TYW1: variants seen among roughly 807,000 people sequenced by gnomAD.
TYW1 encodes tRNA-yW synthesizing protein 1 homolog.
Under a neutral mutation model 96.2 loss-of-function variants are expected in TYW1, and 46 were observed. The observed-to-expected ratio is 0.48, with a 90% CI of 0.38 to 0.61. TYW1 has a LOEUF of 0.61. TYW1 is among the 20% of genes least tolerant of loss of function. TYW1 has a pLI of 0.00. For missense variants in TYW1, 684 were observed against 909.6 expected, an observed-to-expected ratio of 0.75 and a Z score of 3.19; for synonymous variants, 274 against 323.0, an observed-to-expected ratio of 0.85 and a Z score of 1.63.
At chr7:67,077,564 C>T (rs546689419) in intron 10 of TYW1, among the ~76,000 whole-genome samples, 128 of 152,214 alleles carry the variant, frequency 8.4e-4, no homozygotes, top group African/African-American at 2.8e-3. Context: ...TTACATCATT[C>T]GACCTTTTAA....
intron 13 of TYW1, among the ~76,000 whole-genome samples, chr7:67,181,641 T>C (rs944794717): frequency 8.6e-5 from 13 of 151,172 alleles, no homozygotes; most frequent in African/African-American, 2.2e-4. Flanking sequence ...TGAGCATTGC[T>C]ACTTCAGGTG....
At chr7:67,106,594 T>C (rs990723392) in intron 12 of TYW1, among the ~76,000 whole-genome samples, 1 of 152,204 alleles carries the variant, frequency 6.6e-6, no homozygotes, top group African/African-American at 2.4e-5. Flanking sequence ...GTTCTTATCT[T>C]GTGGACATTT....
At chr7:67,002,890 G>A (rs143239557) in intron 3 of TYW1, among the ~76,000 whole-genome samples, 15,603 of 132,886 alleles carry the variant, frequency 0.12, 900 homozygotes, top group Middle Eastern at 0.18. Flanking sequence ...GTCTTACTCT[G>A]TCACCCAGGC....
At position 67,014,436 on chromosome 7, in the gene TYW1, G is replaced by C; in HGVS notation, c.445G>C (p.Glu149Gln). The change falls in exon 5 of 16, where the codon GAG becomes CAG. Residue 149 changes from glutamate to glutamine, a missense_variant. Glu to Gln is a conservative substitution (Grantham distance 29, BLOSUM62 2). Coordinates refer to ENST00000359626, the MANE Select transcript of TYW1 (RefSeq NM_018264.4). ...TGACGGCCTACCAACTGAAAGTGCA[G>C]AGTGGTTCTGCAAATGGTTAGAGGA... ...YTDGLPTESA[E>Q]WFCKWLEEAS... The C allele has an allele frequency of 1.2e-6, 2 of 1,613,934 alleles. No individual in the cohort carries two copies. The highest frequency in any genetic ancestry group is 8.5e-7 in the Non-Finnish European group (1 of 1,179,860).
At chr7:67,109,936 C>T (rs1405668021) in intron 12 of TYW1, among the ~76,000 whole-genome samples, 1 of 152,102 alleles carries the variant, frequency 6.6e-6, no homozygotes, top group African/African-American at 2.4e-5. Flanking sequence ...ACCAGCAGCC[C>T]AGCCGCTGTG....
intron 12 of TYW1, among the ~76,000 whole-genome samples, chr7:67,107,131 T>G: frequency 6.6e-6 from 1 of 152,178 alleles, no homozygotes; most frequent in East Asian, 1.9e-4. Flanking sequence ...TGAGTGAAGT[T>G]TAATAAACAT....
chr7:67,139,894 G>A (rs1384728931), intron 13 of TYW1, among the ~76,000 whole-genome samples: 2 of 151,880 alleles, frequency 1.3e-5, no homozygotes, highest in African/African-American at 4.8e-5. Flanking sequence ...AATGTAAGAG[G>A]AACAGAATCC....
At chr7:67,213,019 G>GTGCC (rs3071690) in intron 15 of TYW1, among the ~76,000 whole-genome samples, 40,472 of 151,598 alleles carry the variant, frequency 0.27, 5,701 homozygotes, top group African/African-American at 0.36. Context: ...GGGATTACAG[G>GTGCC]TGCCACCACA....
chr7:67,108,599 A>G (rs1797308893), intron 12 of TYW1, among the ~76,000 whole-genome samples: 1 of 151,352 alleles, frequency 6.6e-6, no homozygotes, highest in South Asian at 2.1e-4. Flanking sequence ...GCGCCACCAC[A>G]CCGGCTAATT....
intron 10 of TYW1, among the ~76,000 whole-genome samples, chr7:67,079,171 GGTGTGTGTGTGT>G (rs55931505): frequency 4.0e-5 from 6 of 148,796 alleles, no homozygotes; most frequent in African/African-American, 1.5e-4. Flanking sequence ...TCGTGTGAGA[GGTGTGTGTGTGT>G]GTGTGTGTGT....
chr7:67,066,063 C>T (rs1208696846), intron 9 of TYW1, among the ~76,000 whole-genome samples: 1 of 151,974 alleles, frequency 6.6e-6, no homozygotes, highest in Non-Finnish European at 1.5e-5. Context: ...AAAGGCTACT[C>T]ATTCGTGTCT....
intron 3 of TYW1, among the ~76,000 whole-genome samples, chr7:67,005,760 A>G (rs747770149): frequency 6.6e-6 from 1 of 152,210 alleles, no homozygotes. Flanking sequence ...AAGTCACGTC[A>G]TCCCTCTGCT....
intron 7 of TYW1, among the ~76,000 whole-genome samples, chr7:67,045,622 A>G (rs1429848633): frequency 2.6e-5 from 4 of 152,234 alleles, no homozygotes; most frequent in Non-Finnish European, 5.9e-5. Context: ...TTTATAAAGA[A>G]CGTTTTGTGT....
At chr7:67,037,504 CAAAA>C (rs570794125) in intron 7 of TYW1, among the ~76,000 whole-genome samples, 3 of 85,140 alleles carry the variant, frequency 3.5e-5, no homozygotes, top group African/African-American at 4.2e-5. Context: ...AACTCCGTCT[CAAAA>C]AAAAAAAAAA....
intron 13 of TYW1, among the ~76,000 whole-genome samples, chr7:67,145,591 A>G (rs1019347736): frequency 1.3e-5 from 2 of 152,108 alleles, no homozygotes; most frequent in African/African-American, 4.8e-5. Flanking sequence ...CTGTGTTACT[A>G]TTGTTTCATC....
chr7:67,037,504 C>CAA (rs570794125), intron 7 of TYW1, among the ~76,000 whole-genome samples: 32 of 85,100 alleles, frequency 3.8e-4, no homozygotes, highest in Admixed American at 6.1e-4. Flanking sequence ...AACTCCGTCT[C>CAA]AAAAAAAAAA....
chr7:67,123,614 A>T (rs1411241179), intron 13 of TYW1, among the ~76,000 whole-genome samples: 1 of 135,590 alleles, frequency 7.4e-6, no homozygotes, highest in Non-Finnish European at 1.6e-5. Flanking sequence ...TCTGAAAGTC[A>T]TCTCTTTAGC....
intron 13 of TYW1, among the ~76,000 whole-genome samples, chr7:67,153,526 ATTG>A (rs1427200742): frequency 6.6e-6 from 1 of 152,346 alleles, no homozygotes; most frequent in Non-Finnish European, 1.5e-5. Context: ...ACATAGCCAT[ATTG>A]TTTTAATGTA....
In TYW1 at chr7:67,199,886, A is replaced by T. The variant is rs1800531420; in HGVS notation, c.1977+4549A>T. Among the ~76,000 whole-genome samples the T allele has an allele frequency of 2.0e-5, 3 of 152,004 alleles. No homozygotes were observed. In the South Asian group the frequency reaches 6.2e-4, roughly 32 times the overall value. ...AGAAGGATTCCAGCCTGGGCGACAG[A>T]GCGAGAACCCATCAAGAAAGAAAGA... On this transcript the variant is annotated intron_variant, in intron 15 of 15. Coordinates refer to ENST00000359626, the MANE Select transcript of TYW1 (RefSeq NM_018264.4).
Sources: allele counts gnomAD v4.1 joint callset (sites outside exome capture counted in the v4.1 genomes callset), GRCh38; gene constraint gnomAD v4.1.1; transcripts MANE v1.5; gene names NCBI Gene and HGNC (gene_info 2026-07-23, HGNC 2026-07-21).